Variants in PTPRN2 observed in about 807,000 individuals in gnomAD.
PTPRN2 encodes receptor-type tyrosine-protein phosphatase N2.
In PTPRN2, 74 loss-of-function variants were observed where a neutral mutation model predicts 118.8. That is an observed-to-expected ratio of 0.62 (90% CI 0.52 to 0.76). PTPRN2 has a LOEUF of 0.76. PTPRN2 is among the 30% of genes least tolerant of loss of function. PTPRN2 has a pLI of 0.00. For synonymous variants in PTPRN2, 641 were observed against 608.0 expected (o/e 1.05, Z -0.80); for missense variants, 1,481 against 1,394.4 (o/e 1.06, Z -0.99).
intron 11 of PTPRN2, among the ~76,000 whole-genome samples, chr7:158,024,453 G>GA (rs1215762901): frequency 2.6e-5 from 4 of 152,264 alleles, no homozygotes; most frequent in East Asian, 1.9e-4. Flanking sequence ...TTTTTAAGAG[G>GA]AAAAAAATGC....
intron 21 of PTPRN2, among the ~76,000 whole-genome samples, chr7:157,556,038 A>G (rs1037071152): frequency 6.6e-6 from 1 of 152,162 alleles, no homozygotes; most frequent in African/African-American, 2.4e-5. Context: ...CCAGAACTGG[A>G]CTGGGTGCAG....
Position 157,601,886 on chromosome 7 carries a change from C to T in PTPRN2, c.2418+2116G>A, listed in dbSNP as rs577069809. Reference sequence around the variant, plus strand: ...CCTCAACATGGCTTTTCTTTTCCTTCGGACGGTTTCGTGTTGCCAACTCTG... The same window carrying T: ...CCTCAACATGGCTTTTCTTTTCCTTTGGACGGTTTCGTGTTGCCAACTCTG... On this transcript the variant is annotated intron_variant, in intron 16 of 22. Coordinates refer to ENST00000389418, the MANE Select transcript of PTPRN2 (RefSeq NM_002847.5). 4.6e-5 allele frequency among the ~76,000 whole-genome samples: 7 copies of T among 152,324 alleles called. No individual in the cohort carries two copies. The South Asian group carries it at 1.0e-3, about 23-fold the overall frequency.
chr7:157,839,730 CTGTGTGGCTGTGTGAAGTG>C (rs904007448), intron 12 of PTPRN2, among the ~76,000 whole-genome samples: 1 of 151,214 alleles, frequency 6.6e-6, no homozygotes, highest in Non-Finnish European at 1.5e-5. Context: ...GACTGTGTGA[CTGTGTGGCTGTGTGAAGTG>C]TGTGTGGCTG....
rs1802596910 is a variant in PTPRN2, at chr7:157,974,619, G to A, written c.1724-75882C>T. Among the ~76,000 whole-genome samples, 1 of 151,916 alleles carries A rather than the reference G, an allele frequency of 6.6e-6. No homozygotes were observed. Among genetic ancestry groups the A allele is most frequent in the Non-Finnish European group, 1.5e-5 (1 of 67,958 alleles). On this transcript the variant is annotated intron_variant, in intron 11 of 22. Transcript: ENST00000389418. The surrounding 1 kb of genome is among the most constrained non-coding windows in gnomAD (Gnocchi z 4.0). Reference sequence around the variant, plus strand: ...GGGACCTCAGACCTCAGCGGGTGATGGCAGTGGGAGCCTGGGCAGGGGCGG... The same window carrying A: ...GGGACCTCAGACCTCAGCGGGTGATAGCAGTGGGAGCCTGGGCAGGGGCGG...
intron 12 of PTPRN2, among the ~76,000 whole-genome samples, chr7:157,811,888 G>T (rs1408234031): frequency 1.3e-5 from 2 of 152,120 alleles, no homozygotes; most frequent in Admixed American, 6.5e-5. Flanking sequence ...TGGAACTCAG[G>T]ACAAGGCCAT....
chr7:158,568,290 G>T (rs1416673866), intron 1 of PTPRN2, among the ~76,000 whole-genome samples: 1 of 152,088 alleles, frequency 6.6e-6, no homozygotes, highest in Admixed American at 6.5e-5. Context: ...CCTGCAAACA[G>T]TATCTAGCTC....
chr7:158,337,757 G>T (rs62481685), intron 2 of PTPRN2, among the ~76,000 whole-genome samples: 14 of 37,040 alleles, frequency 3.8e-4, no homozygotes, highest in African/African-American at 1.5e-3. Context: ...ACCATAAGAG[G>T]TGACACCTGC....
intron 3 of PTPRN2, among the ~76,000 whole-genome samples, chr7:158,257,004 C>A (rs1392936061): frequency 6.6e-6 from 1 of 152,142 alleles, no homozygotes; most frequent in Non-Finnish European, 1.5e-5. Flanking sequence ...AAATTCCGGA[C>A]CCCTAGTTCC....
At chr7:158,556,715 CCGGGCAGG>C (rs1202409660) in intron 1 of PTPRN2, among the ~76,000 whole-genome samples, 4 of 152,028 alleles carry the variant, frequency 2.6e-5, no homozygotes, top group South Asian at 4.2e-4. Flanking sequence ...CAGACGGCTC[CCGGGCAGG>C]TCAGGCGGCT....
At chr7:157,663,379 T>G (rs1223747459) in intron 13 of PTPRN2, among the ~76,000 whole-genome samples, 1 of 152,152 alleles carries the variant, frequency 6.6e-6, no homozygotes, top group East Asian at 1.9e-4. Context: ...TCCTGGTGTC[T>G]CCCTTGGCGA....
In PTPRN2 at chr7:157,990,879, G is replaced by A. The variant is rs2128844664; in HGVS notation, c.1723+90419C>T. Among the ~76,000 whole-genome samples, 1 of 152,286 alleles carries A rather than the reference G, an allele frequency of 6.6e-6. No individual in the cohort carries two copies. Among genetic ancestry groups the A allele is most frequent in the African/African-American group, 2.4e-5 (1 of 41,568 alleles). ...GCTTACCGAGGAGGACTGGGGAGGG[G>A]GGCCGAGTCTCCAGTCAGGCAGAGA... On this transcript the variant is annotated intron_variant, in intron 11 of 22. Coordinates refer to ENST00000389418, the MANE Select transcript of PTPRN2 (RefSeq NM_002847.5). This position sits in a 1 kb window ranked among gnomAD's most constrained non-coding sequence, Gnocchi z 4.3.
chr7:157,704,085 G>T (rs755213236), intron 12 of PTPRN2, among the ~76,000 whole-genome samples: 1 of 152,164 alleles, frequency 6.6e-6, no homozygotes, highest in South Asian at 2.1e-4. Context: ...TGAGTTAGAA[G>T]ATTCCTGTTT....
In PTPRN2 at chr7:157,944,559, G is replaced by C. The variant is rs183390573; in HGVS notation, c.1724-45822C>G. 6.6e-6 allele frequency among the ~76,000 whole-genome samples: 1 copy of C among 152,336 alleles called. No homozygotes were observed. The highest frequency in any genetic ancestry group is 6.5e-5 in the Admixed American group (1 of 15,304). The stretch of plus-strand genomic sequence containing the variant: ...ACTGCTGCAAATATAATAATTGTTT[G>C]AAAGCATAACATTTAAATCAGAAGC... On this transcript the variant is annotated intron_variant, in intron 11 of 22. Coordinates refer to ENST00000389418, the MANE Select transcript of PTPRN2 (RefSeq NM_002847.5). This position sits in a 1 kb window ranked among gnomAD's most constrained non-coding sequence, Gnocchi z 4.3.
chr7:158,014,419 C>T (rs1806286808), intron 11 of PTPRN2, among the ~76,000 whole-genome samples: 2 of 151,714 alleles, frequency 1.3e-5, no homozygotes, highest in Admixed American at 6.6e-5. Context: ...ATCAAACAAT[C>T]CACCTGCTCA....
intron 2 of PTPRN2, among the ~76,000 whole-genome samples, chr7:158,342,660 A>G (rs1274610062): frequency 1.3e-5 from 2 of 152,240 alleles, no homozygotes; most frequent in East Asian, 3.8e-4. Flanking sequence ...AGTCCTTATG[A>G]TAACCCTTAG....
intron 12 of PTPRN2, among the ~76,000 whole-genome samples, chr7:157,724,110 T>C (rs1158027527): frequency 1.3e-5 from 2 of 152,152 alleles, no homozygotes; most frequent in East Asian, 1.9e-4. Context: ...GAATTTAGGC[T>C]TCCCCCATCT....
At chr7:158,146,255 T>A (rs540365515) in intron 6 of PTPRN2, among the ~76,000 whole-genome samples, 156 of 152,214 alleles carry the variant, frequency 1.0e-3, no homozygotes, top group African/African-American at 3.7e-3. Context: ...TTTGAAACTA[T>A]TTTCTGCCAA....
At chr7:157,994,504 C>G (rs1034221316) in intron 11 of PTPRN2, among the ~76,000 whole-genome samples, 1 of 133,270 alleles carries the variant, frequency 7.5e-6, no homozygotes, top group Admixed American at 7.4e-5. Context: ...CTCCTTGTTC[C>G]TAAAATCAGC....
intron 18 of PTPRN2, 92 bp from the exon 19 acceptor site, chr7:157,576,871 C>A: frequency 7.6e-7 from 1 of 1,321,556 alleles, no homozygotes; most frequent in Non-Finnish European, 1.0e-6. Context: ...CCACGTCTGA[C>A]CAGAGAAGGG....
Sources: gnomAD v4.1 joint callset for allele counts (sites outside exome capture counted in the v4.1 genomes callset) on GRCh38, gnomAD v4.1.1 for gene constraint, Gnocchi (gnomAD v3.1) non-coding constraint, MANE v1.5 for transcripts, NCBI Gene and HGNC (gene_info 2026-07-23, HGNC 2026-07-21) for gene names.